WDR27: variants seen among roughly 807,000 people sequenced by gnomAD.
The protein encoded by WDR27 is WD repeat domain 27.
Under a neutral mutation model 114.4 loss-of-function variants are expected in WDR27, and 100 were observed. The ratio of observed to expected loss-of-function variants is 0.87; its 90% CI spans 0.74 to 1.03. The LOEUF is 1.03. Ranked by LOEUF, WDR27 falls within the 50% of genes least tolerant of loss-of-function variation. The probability of loss-of-function intolerance (pLI) is 0.00; values close to 1 mark genes in which losing one functional copy is unlikely to be tolerated. For missense variants in WDR27, 1,129 were observed against 1,092.9 expected (o/e 1.03, Z -0.47); for synonymous variants, 449 against 423.1 (o/e 1.06, Z -0.75).
At chr6:169,657,489 G>A (rs571515040) in intron 13 of WDR27, among the ~76,000 whole-genome samples, 10 of 152,218 alleles carry the variant, frequency 6.6e-5, no homozygotes, top group Admixed American at 5.2e-4. Context: ...TCTGGGAGGT[G>A]AGGCCCAGCA....
intron 24 of WDR27, among the ~76,000 whole-genome samples, chr6:169,572,826 A>T (rs1801674852): frequency 6.6e-6 from 1 of 152,234 alleles, no homozygotes. Context: ...TTGAGAAAAT[A>T]AACCCAGATA....
chr6:169,531,211 T>C (rs2128079915), intron 25 of WDR27, among the ~76,000 whole-genome samples: 1 of 152,354 alleles, frequency 6.6e-6, no homozygotes, highest in East Asian at 1.9e-4. Flanking sequence ...TGATGCTGGT[T>C]TTCTTTTCTT....
At chr6:169,530,732 A>G (rs1201833937) in intron 25 of WDR27, among the ~76,000 whole-genome samples, 2 of 152,080 alleles carry the variant, frequency 1.3e-5, no homozygotes, top group African/African-American at 4.8e-5. Flanking sequence ...TCCCTCACTC[A>G]CAGAACATCG....
chr6:169,629,189 T>C (rs963885783), intron 21 of WDR27, among the ~76,000 whole-genome samples: 3 of 152,258 alleles, frequency 2.0e-5, no homozygotes, highest in Non-Finnish European at 4.4e-5. Context: ...AAAAGAATTA[T>C]CTTTACCATT....
At chr6:169,561,218 G>A (rs902925343) in intron 25 of WDR27, among the ~76,000 whole-genome samples, 1 of 152,032 alleles carries the variant, frequency 6.6e-6, no homozygotes, top group African/African-American at 2.4e-5. Flanking sequence ...CCCCTCACAT[G>A]GTAGAAAGCG....
intron 1 of WDR27, among the ~76,000 whole-genome samples, chr6:169,693,712 T>C (rs982447782): frequency 3.3e-5 from 5 of 151,056 alleles, no homozygotes; most frequent in African/African-American, 1.2e-4. Flanking sequence ...ACAAATAGAC[T>C]TGAAAGCAAC....
At chr6:169,604,175 G>C (rs772971133) in intron 22 of WDR27, among the ~76,000 whole-genome samples, 1 of 152,074 alleles carries the variant, frequency 6.6e-6, no homozygotes, top group Non-Finnish European at 1.5e-5. Context: ...TGAAAAGTCA[G>C]TTATTTGAGA....
chr6:169,498,760 T>G (rs1790717191), intron 25 of WDR27, among the ~76,000 whole-genome samples: 2 of 152,196 alleles, frequency 1.3e-5, no homozygotes, highest in Admixed American at 1.3e-4. Flanking sequence ...TCCATTTACA[T>G]GACATTCTTA....
intron 25 of WDR27, among the ~76,000 whole-genome samples, chr6:169,481,505 C>G (rs1234847590): frequency 6.6e-6 from 1 of 152,200 alleles, no homozygotes; most frequent in South Asian, 2.1e-4. Flanking sequence ...ATAAATCTTG[C>G]TGCTGCTCAC....
intron 25 of WDR27, among the ~76,000 whole-genome samples, chr6:169,503,743 A>G (rs745912743): frequency 2.6e-5 from 4 of 152,022 alleles, no homozygotes; most frequent in Non-Finnish European, 5.9e-5. Context: ...AGAAAGTAGA[A>G]GAATGCATTT....
intron 2 of WDR27, among the ~76,000 whole-genome samples, chr6:169,676,061 A>G (rs1041435042): frequency 6.6e-6 from 1 of 152,214 alleles, no homozygotes; most frequent in Non-Finnish European, 1.5e-5. Context: ...GGGGTCAAAT[A>G]AAACCCATCT....
chr6:169,693,382 C>G (rs969073259), intron 1 of WDR27, among the ~76,000 whole-genome samples: 1 of 152,150 alleles, frequency 6.6e-6, no homozygotes, highest in Non-Finnish European at 1.5e-5. Context: ...AAAAAAGAAC[C>G]TCCTTAAAAC....
chr6:169,518,580 C>T (rs1463464331), intron 25 of WDR27, among the ~76,000 whole-genome samples: 1 of 152,238 alleles, frequency 6.6e-6, no homozygotes, highest in Non-Finnish European at 1.5e-5. Flanking sequence ...GGCAGTGGGG[C>T]TCTGGGCCTA....
chr6:169,672,177 T>TG, intron 3 of WDR27, 78 bp downstream of exon 3: 1 of 1,481,542 alleles, frequency 6.7e-7, no homozygotes, highest in Non-Finnish European at 9.2e-7. Context: ...AAACACCCCT[T>TG]GGGTGGTACC....
chr6:169,439,471 A>G, the WDR27 span, among the ~76,000 whole-genome samples: 1 of 152,170 alleles, frequency 6.6e-6, no homozygotes, highest in Non-Finnish European at 1.5e-5. Flanking sequence ...AGTACTCCTC[A>G]GTACAGATGT....
chr6:169,662,497 CCA>C, intron 8 of WDR27, 73 bp from the exon 9 acceptor site: 1 of 1,562,650 alleles, frequency 6.4e-7, no homozygotes, highest in Non-Finnish European at 8.7e-7. Flanking sequence ...CTGAGGACTG[CCA>C]CACAGAGATG....
At chr6:169,662,018 T>A (rs1042933412) in intron 9 of WDR27, among the ~76,000 whole-genome samples, 1 of 152,194 alleles carries the variant, frequency 6.6e-6, no homozygotes, top group Non-Finnish European at 1.5e-5. Flanking sequence ...CACCATTTCC[T>A]CTTTCTAAAG....
chr6:169,481,902 T>C (rs748195243), intron 25 of WDR27, among the ~76,000 whole-genome samples: 1 of 152,230 alleles, frequency 6.6e-6, no homozygotes, highest in Non-Finnish European at 1.5e-5. Context: ...GTCCGCGGCT[T>C]CATTCTTGAA....
intron 15 of WDR27, among the ~76,000 whole-genome samples, chr6:169,648,674 C>T (rs1284006502): frequency 6.6e-6 from 1 of 152,226 alleles, no homozygotes; most frequent in Admixed American, 6.5e-5. Flanking sequence ...TATCTCTCCT[C>T]GGACAATGTA....
Sources: allele counts gnomAD v4.1 joint callset (sites outside exome capture counted in the v4.1 genomes callset), GRCh38; gene constraint gnomAD v4.1.1; transcripts MANE v1.5; gene names NCBI Gene and HGNC (gene_info 2026-07-23, HGNC 2026-07-21).